UVRAG: variants seen among roughly 807,000 people sequenced by gnomAD.
UVRAG encodes the protein UV radiation resistance-associated gene protein.
In UVRAG, 19 loss-of-function variants were observed where a neutral mutation model predicts 78.0. The ratio of observed to expected loss-of-function variants is 0.24; its 90% CI spans 0.17 to 0.36. The LOEUF (loss-of-function observed/expected upper bound fraction) is 0.36, where lower values mean the gene tolerates loss of function less well. UVRAG is among the 10% of genes least tolerant of loss of function. UVRAG has a pLI of 1.00. For missense variants in UVRAG, 740 were observed against 853.8 expected, an observed-to-expected ratio of 0.87 and a Z score of 1.66; for synonymous variants, 323 against 324.6, an observed-to-expected ratio of 1.00 and a Z score of 0.05.
At chr11:76,076,412 C>A (rs1951404923) in intron 13 of UVRAG, among the ~76,000 whole-genome samples, 1 of 152,234 alleles carries the variant, frequency 6.6e-6, no homozygotes, top group Admixed American at 6.5e-5. Context: ...CAGGGGAACT[C>A]CCCTTTATAA....
intron 14 of UVRAG, among the ~76,000 whole-genome samples, chr11:76,122,319 G>A (rs911011554): frequency 6.6e-6 from 1 of 152,084 alleles, no homozygotes; most frequent in African/African-American, 2.4e-5. Context: ...GGACAGAGTA[G>A]GTTAAGAAAC....
intron 14 of UVRAG, among the ~76,000 whole-genome samples, chr11:76,118,970 G>T (rs1260713798): frequency 6.6e-6 from 1 of 152,106 alleles, no homozygotes; most frequent in Non-Finnish European, 1.5e-5. Context: ...TTTGTTGCTG[G>T]GGAGAGTGTA....
At chr11:75,896,520 A>G (rs1947347839) in intron 5 of UVRAG, among the ~76,000 whole-genome samples, 1 of 152,058 alleles carries the variant, frequency 6.6e-6, no homozygotes, top group Non-Finnish European at 1.5e-5. Flanking sequence ...AATTATAGGC[A>G]CTCCTGACAA....
chr11:76,004,342 C>T (rs537722738), intron 9 of UVRAG, among the ~76,000 whole-genome samples: 2 of 152,238 alleles, frequency 1.3e-5, no homozygotes, highest in African/African-American at 4.8e-5. Flanking sequence ...TTTCTCAGGC[C>T]ACAGCATCGT....
At chr11:76,101,198 A>G (rs193082175) in intron 13 of UVRAG, among the ~76,000 whole-genome samples, 2 of 152,184 alleles carry the variant, frequency 1.3e-5, no homozygotes, top group Admixed American at 1.3e-4. Flanking sequence ...GGTTGAACTA[A>G]TTTACACTCC....
At chr11:76,003,257 ATTTTTTTTTTT>A (rs398045280) in intron 8 of UVRAG, among the ~76,000 whole-genome samples, 14 of 53,734 alleles carry the variant, frequency 2.6e-4, no homozygotes, top group African/African-American at 5.4e-4. Flanking sequence ...GAAAATACTG[ATTTTTTTTTTT>A]TTTTTTTTTT....
chr11:75,937,482 A>T (rs112138195), intron 6 of UVRAG, among the ~76,000 whole-genome samples: 10 of 152,162 alleles, frequency 6.6e-5, no homozygotes, highest in African/African-American at 2.2e-4. Context: ...AAACATCTCT[A>T]TATCATCTTA....
intron 14 of UVRAG, chr11:76,137,127 G>T (rs924928712): frequency 3.6e-6 from 1 of 281,494 alleles, no homozygotes; most frequent in Non-Finnish European, 7.2e-6. Context: ...ACAGCATATT[G>T]TGCCCAGGAC....
chr11:75,846,379 C>G (rs1310389418), intron 1 of UVRAG, among the ~76,000 whole-genome samples: 3 of 152,070 alleles, frequency 2.0e-5, no homozygotes, highest in Non-Finnish European at 4.4e-5. Context: ...TAAGAAAAAC[C>G]AAGTTTTAAA....
chr11:75,905,608 G>A (rs1947596858), intron 5 of UVRAG, among the ~76,000 whole-genome samples: 1 of 152,152 alleles, frequency 6.6e-6, no homozygotes, highest in Non-Finnish European at 1.5e-5. Flanking sequence ...CTACATGTAG[G>A]AAGGAATGTA....
At chr11:75,971,788 C>T (rs1024326360) in intron 7 of UVRAG, among the ~76,000 whole-genome samples, 60 of 151,972 alleles carry the variant, frequency 3.9e-4, no homozygotes, top group African/African-American at 1.2e-3. Flanking sequence ...CAGGTTCAAG[C>T]GATTTTCCTC....
intron 5 of UVRAG, among the ~76,000 whole-genome samples, chr11:75,907,490 A>G (rs1031196618): frequency 6.6e-6 from 1 of 151,260 alleles, no homozygotes; most frequent in Non-Finnish European, 1.5e-5. Flanking sequence ...GTTGTGGTGT[A>G]TTACACTGAT....
intron 5 of UVRAG, among the ~76,000 whole-genome samples, chr11:75,899,137 A>C (rs935029062): frequency 6.6e-6 from 1 of 152,116 alleles, no homozygotes; most frequent in African/African-American, 2.4e-5. Context: ...AGAACAAAGA[A>C]AGACTGGGAA....
At chr11:75,944,681 T>A (rs895090454) in intron 6 of UVRAG, among the ~76,000 whole-genome samples, 31 of 152,146 alleles carry the variant, frequency 2.0e-4, no homozygotes, top group African/African-American at 7.5e-4. Flanking sequence ...TTGACTAAGT[T>A]AATGCAGTGG....
intron 13 of UVRAG, among the ~76,000 whole-genome samples, chr11:76,072,890 C>T (rs56205856): frequency 0.046 from 6,961 of 152,152 alleles, 217 homozygotes; most frequent in Non-Finnish European, 0.066. Context: ...TTGGGGATCC[C>T]CAACACCCTC....
At position 75,830,592 on chromosome 11, in the gene UVRAG, G is replaced by A. The variant is rs147741168; in HGVS notation, c.117+15068G>A. On this transcript the variant is annotated intron_variant, in intron 1 of 14. Coordinates refer to ENST00000356136, the MANE Select transcript of UVRAG (RefSeq NM_003369.4). ...GGCCGTAAGTATTCTTTAATATGGT[G>A]TCATAAGAAGACTTGTTATAAGGCT... 4.4e-3 allele frequency among the ~76,000 whole-genome samples: 669 copies of A among 152,126 alleles called. 3 individuals are homozygous for A. Among genetic ancestry groups the A allele is most frequent in the African/African-American group, 0.015 (612 of 41,538 alleles).
In UVRAG at chr11:75,968,743, G is replaced by A. The variant is rs1396317352; in HGVS notation, c.699+7194G>A. The stretch of plus-strand genomic sequence containing the variant: ...TTCTTTTTCTGTATTTTCTTTCTCT[G>A]CCCAGGTAGAATTCAATTTACATAT... On this transcript the variant is annotated intron_variant, in intron 7 of 14. Coordinates refer to ENST00000356136, the MANE Select transcript of UVRAG (RefSeq NM_003369.4). Among the ~76,000 whole-genome samples, 6 of 152,068 alleles carry A rather than the reference G, an allele frequency of 3.9e-5. No homozygotes were observed. In the East Asian group the frequency reaches 9.7e-4, roughly 24 times the overall value.
chr11:76,071,464 C>T (rs1554986660), intron 13 of UVRAG, among the ~76,000 whole-genome samples: 2 of 152,124 alleles, frequency 1.3e-5, no homozygotes, highest in Non-Finnish European at 2.9e-5. Flanking sequence ...GAGACCACAG[C>T]AGAGTTTCCT....
intron 8 of UVRAG, among the ~76,000 whole-genome samples, chr11:75,988,693 A>G (rs1949546403): frequency 6.6e-6 from 1 of 152,248 alleles, no homozygotes; most frequent in Non-Finnish European, 1.5e-5. Flanking sequence ...ATGCATTTTC[A>G]ACTAGCAATG....
Sources: gnomAD v4.1 joint callset for allele counts (sites outside exome capture counted in the v4.1 genomes callset) on GRCh38, gnomAD v4.1.1 for gene constraint, MANE v1.5 for transcripts, NCBI Gene and HGNC (gene_info 2026-07-23, HGNC 2026-07-21) for gene names.